Variants in COLEC11 observed in about 807,000 individuals in gnomAD.
COLEC11 encodes the protein collectin-11.
Under a neutral mutation model 27.3 loss-of-function variants are expected in COLEC11, and 20 were observed. The observed-to-expected ratio is 0.73, with a 90% CI of 0.51 to 1.06. The LOEUF (loss-of-function observed/expected upper bound fraction) is 1.06. Ranked by LOEUF, COLEC11 falls within the 50% of genes least tolerant of loss-of-function variation. COLEC11 has a pLI of 0.00. For synonymous variants in COLEC11, 163 were observed against 154.7 expected, an observed-to-expected ratio of 1.05 and a Z score of -0.40; for missense variants, 310 against 383.0, an observed-to-expected ratio of 0.81 and a Z score of 1.59.
intron 2 of COLEC11, among the ~76,000 whole-genome samples, chr2:3,608,214 A>G (rs578196164): frequency 1.9e-4 from 29 of 152,352 alleles, no homozygotes; most frequent in Middle Eastern, 3.4e-3. Context: ...AGCCAAGCAA[A>G]CAGTAAATGT....
intron 3 of COLEC11, among the ~76,000 whole-genome samples, chr2:3,614,338 A>T (rs115544364): frequency 6.6e-6 from 1 of 152,220 alleles, no homozygotes; most frequent in South Asian, 2.1e-4. Flanking sequence ...AACATTGGAG[A>T]GTTAAGTTGT....
At chr2:3,609,957 C>T (rs766436040) in intron 2 of COLEC11, among the ~76,000 whole-genome samples, 6 of 152,268 alleles carry the variant, frequency 3.9e-5, no homozygotes, top group Non-Finnish European at 7.3e-5. Context: ...AGCCACTGCA[C>T]CTGGCCAACC....
intron 6 of COLEC11, 34 bp from the exon 7 acceptor site, chr2:3,643,693 A>C: frequency 6.2e-7 from 1 of 1,613,302 alleles, no homozygotes. Flanking sequence ...CACACATACA[A>C]GTGCTCACTT....
At chr2:3,610,223 T>A (rs1215399699) in intron 2 of COLEC11, among the ~76,000 whole-genome samples, 1 of 152,148 alleles carries the variant, frequency 6.6e-6, no homozygotes, top group Non-Finnish European at 1.5e-5. Flanking sequence ...ACCTCTAGAG[T>A]GGACATAGTG....
At chr2:3,635,654 C>T (rs1665348032) in intron 3 of COLEC11, among the ~76,000 whole-genome samples, 1 of 152,252 alleles carries the variant, frequency 6.6e-6, no homozygotes, top group Non-Finnish European at 1.5e-5. Context: ...GCGCCCTGCA[C>T]AGCTGGCAAC....
intron 1 of COLEC11, chr2:3,603,651 G>A (rs1662404257): frequency 6.4e-7 from 1 of 1,551,074 alleles, no homozygotes; most frequent in Non-Finnish European, 8.7e-7. Context: ...TCACGATGAA[G>A]AAACAAAGAG....
rs562446499 is a variant in COLEC11 at position 3,600,222 on chromosome 2, G to A, written c.-26-4093G>A. Among the ~76,000 whole-genome samples the A allele has an allele frequency of 1.3e-3, 186 of 141,008 alleles. 1 individual carries two copies. The highest frequency in any genetic ancestry group is 2.0e-3 in the Non-Finnish European group (135 of 66,022). 92.5% of individuals were successfully genotyped at this position (141,008 alleles called of 152,430 possible). On this transcript the variant is annotated intron_variant, in intron 1 of 6. Coordinates refer to ENST00000349077, the MANE Select transcript of COLEC11 (RefSeq NM_024027.5). Reference sequence around the variant, plus strand: ...TGCACCCCAGCCTGGGTGACAGTGCGAGACTCTGTCTCAAAAAAAAAAAAA... The same window carrying A: ...TGCACCCCAGCCTGGGTGACAGTGCAAGACTCTGTCTCAAAAAAAAAAAAA...
intron 3 of COLEC11, 89 bp downstream of exon 3, chr2:3,613,471 T>C (rs530381348): frequency 5.1e-5 from 71 of 1,386,052 alleles, no homozygotes; most frequent in Non-Finnish European, 7.0e-5. Flanking sequence ...GGGTGGTGGT[T>C]CCAGAGAGGA....
intron 3 of COLEC11, among the ~76,000 whole-genome samples, chr2:3,618,808 A>G (rs890377481): frequency 2.0e-5 from 3 of 152,204 alleles, no homozygotes; most frequent in African/African-American, 2.4e-5. Context: ...CTTTTGATCC[A>G]CGAACAGATA....
rs186902101 is a variant in COLEC11 at position 3,636,292 on chromosome 2, T to C, written c.203-1241T>C. 5.0e-3 allele frequency among the ~76,000 whole-genome samples: 765 copies of C among 152,270 alleles called. 25 individuals are homozygous for C. Among genetic ancestry groups the C allele is most frequent in the Non-Finnish European group, 1.6e-3 (111 of 68,018 alleles). On this transcript the variant is annotated intron_variant, in intron 3 of 6. Coordinates refer to ENST00000349077, the MANE Select transcript of COLEC11 (RefSeq NM_024027.5). ...TAACATAGTGAAACCCCATCTCTGC[T>C]AAAAATACAAAAATTAGCCTGGCGT...
chr2:3,627,566 G>A (rs746016279), intron 3 of COLEC11, among the ~76,000 whole-genome samples: 5 of 148,810 alleles, frequency 3.4e-5, no homozygotes, highest in African/African-American at 1.0e-4. Context: ...GCATGATGAC[G>A]GTCTGCATCT....
At chr2:3,629,850 C>CATGT (rs565600722) in intron 3 of COLEC11, among the ~76,000 whole-genome samples, 147 of 152,158 alleles carry the variant, frequency 9.7e-4, no homozygotes, top group African/African-American at 3.5e-3. Context: ...TGTTTGTATT[C>CATGT]ATGTATGTAT....
chr2:3,602,331 G>A lies in COLEC11; in HGVS notation c.-26-1984G>A, dbSNP rs1031435497. Among the ~76,000 whole-genome samples, 21 of 152,054 alleles carry A rather than the reference G, an allele frequency of 1.4e-4. No homozygotes were observed. On this transcript the variant is annotated intron_variant, in intron 1 of 6. Transcript: ENST00000349077. This position sits in a 1 kb window ranked among gnomAD's most constrained non-coding sequence, Gnocchi z 6.2. ...TAGGAGTCTATAGTGTCTCAGACTC[G>A]GAAAGTTGAACCCGAGCCCCTGACT...
intron 3 of COLEC11, among the ~76,000 whole-genome samples, chr2:3,623,339 T>C (rs1664308554): frequency 6.6e-6 from 1 of 152,204 alleles, no homozygotes; most frequent in Non-Finnish European, 1.5e-5. Flanking sequence ...ACTCCCAAGT[T>C]TGGAAAGTTT....
chr2:3,637,490 T>C (rs762360052), intron 3 of COLEC11, 43 bp from the exon 4 acceptor site: 5 of 1,519,560 alleles, frequency 3.3e-6, no homozygotes, highest in South Asian at 1.1e-5. Context: ...GGCCACGGTG[T>C]CACCTGTGCA....
intron 4 of COLEC11, among the ~76,000 whole-genome samples, chr2:3,638,150 C>T (rs1364135842): frequency 6.6e-6 from 1 of 152,238 alleles, no homozygotes; most frequent in Non-Finnish European, 1.5e-5. Flanking sequence ...CATTTGGCTG[C>T]ACGGCCGTGG....
intron 3 of COLEC11, among the ~76,000 whole-genome samples, chr2:3,631,561 A>G (rs1665002446): frequency 6.6e-6 from 1 of 152,038 alleles, no homozygotes. Context: ...GGTCCAAGCT[A>G]TGGGTTTAGG....
At chr2:3,625,130 G>A (rs533558400) in intron 3 of COLEC11, among the ~76,000 whole-genome samples, 8 of 152,258 alleles carry the variant, frequency 5.3e-5, no homozygotes, top group East Asian at 3.9e-4. Flanking sequence ...GATCCAAGGC[G>A]GCAAGGATTC....
intron 3 of COLEC11, among the ~76,000 whole-genome samples, chr2:3,627,548 GAC>G (rs2147927409): frequency 6.6e-6 from 1 of 150,820 alleles, no homozygotes; most frequent in East Asian, 2.0e-4. Flanking sequence ...TGCTGGGCAT[GAC>G]ACTGGGCATG....
Sources: allele counts gnomAD v4.1 joint callset (sites outside exome capture counted in the v4.1 genomes callset), GRCh38; gene constraint gnomAD v4.1.1; non-coding constraint Gnocchi (gnomAD v3.1); transcripts MANE v1.5; gene names NCBI Gene and HGNC (gene_info 2026-07-23, HGNC 2026-07-21).